Variants in RPAP3 observed in about 807,000 individuals in gnomAD.
The protein encoded by RPAP3 is RNA polymerase II-associated protein 3.
RPAP3 carries 58 observed loss-of-function variants against 88.8 expected under a neutral mutation model. The ratio of observed to expected loss-of-function variants is 0.65; its 90% CI spans 0.53 to 0.81. The LOEUF is 0.81. RPAP3 is among the 40% of genes least tolerant of loss of function. The pLI is 0.00. For synonymous variants in RPAP3, 255 were observed against 259.9 expected (o/e 0.98, Z 0.18); for missense variants, 751 against 764.3 (o/e 0.98, Z 0.20).
At chr12:47,698,577 G>C (rs1939583805) in intron 3 of RPAP3, among the ~76,000 whole-genome samples, 2 of 152,086 alleles carry the variant, frequency 1.3e-5, no homozygotes, top group South Asian at 4.2e-4. Context: ...GCAGTAGTGT[G>C]ATGTCAGCTT....
At chr12:47,681,412 C>T (rs1397166834) in intron 10 of RPAP3, among the ~76,000 whole-genome samples, 2 of 152,146 alleles carry the variant, frequency 1.3e-5, no homozygotes, top group South Asian at 4.1e-4. Flanking sequence ...GTCTTTTTAT[C>T]GTTTTCCATT....
intron 1 of RPAP3, among the ~76,000 whole-genome samples, chr12:47,705,607 C>T (rs1939775345): frequency 6.6e-6 from 1 of 152,218 alleles, no homozygotes; most frequent in African/African-American, 2.4e-5. Flanking sequence ...ACCCGCTGTC[C>T]CGGCGAACAC....
chr12:47,667,767 C>A lies in RPAP3; in HGVS notation c.1798G>T (p.Asp600Tyr). The stretch of plus-strand genomic sequence containing the variant: ...AACTTGACTTACTCAATGTAAAAGT[C>A]ATGCAGAATTTTAACGATCTGGTTG... ...VFNQIVKILH[D>Y]FYIEKEKPLL... Residue 600 changes from aspartate to tyrosine, a missense_variant, in exon 15 of 17, where the codon GAC (aspartate) becomes TAC (tyrosine). By Grantham distance (160) the Asp-to-Tyr change is radical. Transcript: ENST00000005386. 1 of 1,597,518 alleles carries A rather than the reference C, an allele frequency of 6.3e-7. No individual in the cohort carries two copies. Among genetic ancestry groups the A allele is most frequent in the East Asian group, 2.2e-5 (1 of 44,624 alleles).
chr12:47,671,307 C>T (rs1316882957), intron 12 of RPAP3, among the ~76,000 whole-genome samples: 1 of 152,060 alleles, frequency 6.6e-6, no homozygotes, highest in African/African-American at 2.4e-5. Context: ...TTAACAGTTG[C>T]AGCTATATAC....
chr12:47,669,707 CA>C, intron 13 of RPAP3, among the ~76,000 whole-genome samples: 1 of 151,998 alleles, frequency 6.6e-6, no homozygotes, highest in East Asian at 1.9e-4. Context: ...AAATGCCAAA[CA>C]AAAGTTAGAG....
chr12:47,702,892 T>C, intron 1 of RPAP3, 46 bp from the exon 2 acceptor site: 4 of 1,472,040 alleles, frequency 2.7e-6, no homozygotes, highest in Non-Finnish European at 3.6e-6. Context: ...TAGGCCTATT[T>C]GGTTTATTTT....
intron 10 of RPAP3, among the ~76,000 whole-genome samples, chr12:47,680,975 A>G (rs1939211834): frequency 6.7e-6 from 1 of 149,786 alleles, no homozygotes; most frequent in Admixed American, 6.7e-5. Flanking sequence ...AAACGAAACA[A>G]AAAAAAAAAA....
chr12:47,668,947 C>G lies in RPAP3; in HGVS notation c.1682G>C (p.Ser561Thr), dbSNP rs112192272. Residue 561 changes from serine (S) to threonine (T), a missense_variant, in exon 14 of 17, where the codon AGT becomes ACT. Coordinates refer to ENST00000005386, the MANE Select transcript of RPAP3 (RefSeq NM_024604.3). ...ATACTGATACAACATATCTGGAGAA[C>G]TTTTCAATTGTCTGAAATCAGATTC... ...QLESDFRQLK[S>T]SPDMLYQYLK... 6.2e-7 allele frequency: 1 copy of G among 1,613,936 alleles called. No homozygotes were observed.
intron 16 of RPAP3, 117 bp downstream of exon 16, chr12:47,666,863 T>C (rs1938884176): frequency 6.5e-6 from 2 of 305,530 alleles, no homozygotes; most frequent in South Asian, 7.8e-5. Context: ...TAAATATAAA[T>C]ATTTAATTAA....
chr12:47,702,825 T>C lies in RPAP3; in HGVS notation c.16A>G (p.Lys6Glu). The C allele has an allele frequency of 6.2e-7, 1 of 1,613,260 alleles. No individual in the cohort carries two copies. Among genetic ancestry groups the C allele is most frequent in the Non-Finnish European group, 8.5e-7 (1 of 1,179,684 alleles). ...ACTTGTAGTTGTAATTCGATTGCTT[T>C]ATTTGCTGAAGTCATTATGGTCTGC... Reference protein sequence around the residue: MTSANKAIELQLQVKQ... With the variant: MTSANEAIELQLQVKQ... The change falls in exon 2 of 17, where the codon AAA becomes GAA. Residue 6 changes from lysine (K) to glutamate (E), a missense_variant. By Grantham distance (56) the Lys-to-Glu change is moderately conservative (BLOSUM62 1). Transcript: ENST00000005386.
intron 5 of RPAP3, 89 bp downstream of exon 5, chr12:47,696,182 TCTGTC>T (rs1939521944): frequency 9.6e-7 from 1 of 1,038,710 alleles, no homozygotes; most frequent in African/African-American, 1.6e-5. Flanking sequence ...ACATTTTCAA[TCTGTC>T]CTCCACACTT....
chr12:47,685,145 G>C (rs10875679), intron 9 of RPAP3, among the ~76,000 whole-genome samples: 4 of 152,082 alleles, frequency 2.6e-5, no homozygotes, highest in African/African-American at 9.7e-5. Context: ...CTGGGAGGCC[G>C]AGACGGGCAG....
intron 8 of RPAP3, 124 bp downstream of exon 8, chr12:47,687,752 A>T: frequency 8.6e-7 from 1 of 1,158,152 alleles, no homozygotes; most frequent in Non-Finnish European, 1.2e-6. Flanking sequence ...TAGTGCATTT[A>T]ATTCCCAATT....
Position 47,686,864 on chromosome 12 carries a change from T to C in RPAP3, c.908A>G (p.Glu303Gly). 1 of 1,599,394 alleles carries C rather than the reference T, an allele frequency of 6.3e-7. No homozygotes were observed. Among genetic ancestry groups the C allele is most frequent in the Non-Finnish European group, 8.6e-7 (1 of 1,168,892 alleles). Reference protein sequence around the residue: ...FKEGKYERAIECYTRGIAADG... With the variant: ...FKEGKYERAIGCYTRGIAADG... ...TGCTGCTATCCCTCGAGTATAGCATTCAATTGCTCTTTCATATTTCCCCTC... is the reference window on the plus strand; with the variant it reads ...TGCTGCTATCCCTCGAGTATAGCATCCAATTGCTCTTTCATATTTCCCCTC... The change falls in exon 9 of 17, where the codon GAA becomes GGA. Residue 303 changes from glutamate (E) to glycine (G), a missense_variant. Transcript: ENST00000005386.
intron 1 of RPAP3, among the ~76,000 whole-genome samples, chr12:47,704,994 GA>G (rs984960937): frequency 9.2e-5 from 14 of 151,980 alleles, no homozygotes; most frequent in African/African-American, 2.2e-4. Flanking sequence ...AAAAAAAAAG[GA>G]GGGGGGGGAA....
In RPAP3 at chr12:47,701,523, C is replaced by T; in HGVS notation, c.235G>A (p.Glu79Lys). The part of the protein sequence containing the change: ...AKESSKKTRE[E>K]NTKNRIKSYD... ...GATTTTATCCTGTTTTTTGTGTTTT[C>T]CTCTCTGGTTTTTTTGGAAGACTCT... Residue 79 changes from glutamate (E) to lysine (K), a missense_variant, in exon 3 of 17, where the codon GAA becomes AAA. Transcript: ENST00000005386. The T allele has an allele frequency of 3.1e-6, 5 of 1,601,344 alleles. No homozygotes were observed. In the East Asian group the frequency reaches 9.1e-5, roughly 29 times the overall value.
Position 47,702,703 on chromosome 12 carries a change from A to T in RPAP3, c.138T>A (p.Asn46Lys), listed in dbSNP as rs751364323. Residue 46 changes from asparagine to lysine, a missense_variant, in exon 2 of 17, where the codon AAT becomes AAA. By Grantham distance (94) the Asn-to-Lys change is moderately conservative. Transcript: ENST00000005386. ...KQKDMELRRQ[N>K]GVPEENLPPI... is the part of the protein sequence containing the mutation. ...CTTAATTTACCTCTTCAGGAACACC[A>T]TTCTGTCTTCTTAGTTCCATATCCT... is the stretch of plus-strand genomic sequence containing the variant. 15 of 1,599,446 alleles carry T rather than the reference A, an allele frequency of 9.4e-6. No homozygotes were observed. Among genetic ancestry groups the T allele is most frequent in the Non-Finnish European group, 1.3e-5 (15 of 1,173,558 alleles).
At chr12:47,677,578 A>G (rs1354543360) in intron 12 of RPAP3, among the ~76,000 whole-genome samples, 2 of 152,170 alleles carry the variant, frequency 1.3e-5, no homozygotes, top group African/African-American at 2.4e-5. Context: ...AAAAATCACA[A>G]GCATTCCTAT....
intron 3 of RPAP3, among the ~76,000 whole-genome samples, 159 bp from the exon 4 acceptor site, chr12:47,697,878 A>C (rs960385873): frequency 6.6e-6 from 1 of 152,216 alleles, no homozygotes; most frequent in Admixed American, 6.5e-5. Flanking sequence ...TGTTAAGATT[A>C]TATCCAGAGA....
Sources: allele counts gnomAD v4.1 joint callset (sites outside exome capture counted in the v4.1 genomes callset), GRCh38; gene constraint gnomAD v4.1.1; transcripts MANE v1.5; gene names NCBI Gene and HGNC (gene_info 2026-07-23, HGNC 2026-07-21).